PKNOX2: variants seen among roughly 807,000 people sequenced by gnomAD.
PKNOX2 encodes homeobox protein PKNOX2.
A neutral mutation model predicts 53.1 loss-of-function variants in PKNOX2; 14 were observed. The observed-to-expected ratio is 0.26, with a 90% CI of 0.17 to 0.41. PKNOX2 has a LOEUF of 0.41. Among genes scored for constraint, PKNOX2 ranks in the 10% least tolerant of loss-of-function variants. PKNOX2 has a pLI of 1.00. For missense variants in PKNOX2, 496 were observed against 602.8 expected (o/e 0.82, Z 1.85); for synonymous variants, 257 against 242.8 (o/e 1.06, Z -0.54).
At chr11:125,213,929 CAGA>C (rs1160852573) in intron 1 of PKNOX2, among the ~76,000 whole-genome samples, 1 of 152,052 alleles carries the variant, frequency 6.6e-6, no homozygotes, top group Non-Finnish European at 1.5e-5. Flanking sequence ...TCAGTCCTCG[CAGA>C]AGGAGGGCCA....
At chr11:125,204,557 C>A (rs888927199) in intron 1 of PKNOX2, among the ~76,000 whole-genome samples, 1 of 152,174 alleles carries the variant, frequency 6.6e-6, no homozygotes, top group Non-Finnish European at 1.5e-5. Context: ...TCCCAGTTTG[C>A]CTGGGACTCT....
chr11:125,212,148 G>A (rs1047490111), intron 1 of PKNOX2, among the ~76,000 whole-genome samples: 5 of 152,194 alleles, frequency 3.3e-5, no homozygotes, highest in East Asian at 1.9e-4. Flanking sequence ...ATAGACTCAC[G>A]GCTTCTCTGG....
At chr11:125,181,980 C>CA (rs1956179643) in intron 1 of PKNOX2, among the ~76,000 whole-genome samples, 1 of 152,198 alleles carries the variant, frequency 6.6e-6, no homozygotes, top group Non-Finnish European at 1.5e-5. Context: ...AGCTGGGACA[C>CA]AGAGGTTTTG....
intron 2 of PKNOX2, among the ~76,000 whole-genome samples, chr11:125,296,692 A>G (rs952199306): frequency 2.6e-5 from 4 of 152,044 alleles, no homozygotes; most frequent in Non-Finnish European, 5.9e-5. Context: ...CTGGAGTGCA[A>G]TGGCGCAATC....
chr11:125,180,750 G>T (rs1198425383), intron 1 of PKNOX2, among the ~76,000 whole-genome samples: 2 of 152,234 alleles, frequency 1.3e-5, no homozygotes, highest in Non-Finnish European at 2.9e-5. Context: ...CATGGCCTGA[G>T]GGGCTGTAAT....
intron 2 of PKNOX2, among the ~76,000 whole-genome samples, chr11:125,302,301 G>A (rs1433343915): frequency 6.6e-6 from 1 of 152,188 alleles, no homozygotes; most frequent in African/African-American, 2.4e-5. Flanking sequence ...GAGGACAGGA[G>A]CTTCCTCTCC....
At chr11:125,365,506 AGATGAG>A (rs925872599) in intron 4 of PKNOX2, among the ~76,000 whole-genome samples, 2 of 152,214 alleles carry the variant, frequency 1.3e-5, no homozygotes, top group African/African-American at 4.8e-5. Context: ...TTAACTTATT[AGATGAG>A]GAATAATCTT....
intron 2 of PKNOX2, among the ~76,000 whole-genome samples, chr11:125,265,728 A>T (rs533182252): frequency 6.6e-6 from 1 of 152,152 alleles, no homozygotes; most frequent in Admixed American, 6.5e-5. Flanking sequence ...GTTGCGGGTC[A>T]TCTGTGGCTT....
At position 125,248,819 on chromosome 11, in the gene PKNOX2, G is replaced by A. The variant is rs986085539; in HGVS notation, c.-130+13704G>A. Among the ~76,000 whole-genome samples the A allele has an allele frequency of 2.7e-5, 4 of 146,604 alleles. No homozygotes were observed. In the Admixed American group the frequency reaches 2.8e-4, roughly 10 times the overall value. On this transcript the variant is annotated intron_variant, in intron 2 of 12. Transcript: ENST00000298282. ...TCACTATGTTGCCCAGGGTGGACTT[G>A]AATTGCCCTCAAGTGATCCTCCATC...
At chr11:125,354,242 C>A (rs1347749647) in intron 4 of PKNOX2, among the ~76,000 whole-genome samples, 1 of 152,188 alleles carries the variant, frequency 6.6e-6, no homozygotes, top group Non-Finnish European at 1.5e-5. Context: ...CTCTGAGACT[C>A]CACATGTTCA....
intron 2 of PKNOX2, among the ~76,000 whole-genome samples, chr11:125,301,374 G>C (rs1948054693): frequency 1.3e-5 from 2 of 151,996 alleles, no homozygotes. Flanking sequence ...CTCTTGGGTA[G>C]AGACAGGGCC....
chr11:125,338,165 T>G (rs138969924), intron 3 of PKNOX2, among the ~76,000 whole-genome samples: 1 of 152,176 alleles, frequency 6.6e-6, no homozygotes, highest in African/African-American at 2.4e-5. Context: ...CCCATCATTC[T>G]GAAATGGGCT....
intron 5 of PKNOX2, among the ~76,000 whole-genome samples, chr11:125,372,876 AG>A (rs1470420917): frequency 6.6e-6 from 1 of 152,206 alleles, no homozygotes; most frequent in Non-Finnish European, 1.5e-5. Context: ...ACCACCAGAG[AG>A]CTCATGCTCA....
At chr11:125,339,477 C>T (rs925478680) in intron 3 of PKNOX2, among the ~76,000 whole-genome samples, 3 of 152,178 alleles carry the variant, frequency 2.0e-5, no homozygotes, top group Admixed American at 6.5e-5. Context: ...TTAGCCTGTG[C>T]GTCATGGACA....
intron 7 of PKNOX2, among the ~76,000 whole-genome samples, chr11:125,406,622 C>T (rs1955117181): frequency 6.6e-6 from 1 of 152,062 alleles, no homozygotes; most frequent in African/African-American, 2.4e-5. Flanking sequence ...CACATATCCT[C>T]TCTCTGTGAG....
chr11:125,310,804 C>T (rs763290092), intron 2 of PKNOX2, among the ~76,000 whole-genome samples: 21 of 152,108 alleles, frequency 1.4e-4, no homozygotes, highest in African/African-American at 2.4e-5. Context: ...TCACCTATCT[C>T]AAACTTGAAC....
At position 125,369,818 on chromosome 11, in the gene PKNOX2, C is replaced by A. The variant is rs554880709; in HGVS notation, c.227+1833C>A. Reference sequence around the variant, plus strand: ...GGAGCATAAGGAGGGAAGGGAGTAGCGTGGCCTCTGAAAACTGCCCGACAG... The same window carrying A: ...GGAGCATAAGGAGGGAAGGGAGTAGAGTGGCCTCTGAAAACTGCCCGACAG... On this transcript the variant is annotated intron_variant, in intron 5 of 12. Coordinates refer to ENST00000298282, the MANE Select transcript of PKNOX2 (RefSeq NM_001382323.2). Among the ~76,000 whole-genome samples, 4 of 152,194 alleles carry A rather than the reference C, an allele frequency of 2.6e-5. No homozygotes were observed. In the East Asian group the frequency reaches 5.8e-4, roughly 22 times the overall value.
intron 7 of PKNOX2, among the ~76,000 whole-genome samples, chr11:125,401,276 C>T (rs184761925): frequency 3.3e-5 from 5 of 152,140 alleles, no homozygotes; most frequent in African/African-American, 4.8e-5. Context: ...CTGAGAACGA[C>T]GGGGCAGAAG....
At chr11:125,348,432 G>A (rs1951110925) in intron 3 of PKNOX2, among the ~76,000 whole-genome samples, 1 of 152,236 alleles carries the variant, frequency 6.6e-6, no homozygotes, top group Non-Finnish European at 1.5e-5. Flanking sequence ...AGGGTAATGG[G>A]GCAGTGGCCT....
Sources: allele counts gnomAD v4.1 joint callset (sites outside exome capture counted in the v4.1 genomes callset), GRCh38; gene constraint gnomAD v4.1.1; transcripts MANE v1.5; gene names NCBI Gene and HGNC (gene_info 2026-07-23, HGNC 2026-07-21).